SKA3: variants seen among roughly 807,000 people sequenced by gnomAD.
SKA3 encodes spindle and kinetochore associated complex subunit 3.
A neutral mutation model predicts 44.2 loss-of-function variants in SKA3; 39 were observed. That is an observed-to-expected ratio of 0.88 (90% CI 0.68 to 1.15). The LOEUF (loss-of-function observed/expected upper bound fraction) is 1.15. SKA3 is among the 50% of genes most tolerant of loss of function. SKA3 has a pLI of 0.00. For synonymous variants in SKA3, 192 were observed against 172.0 expected (o/e 1.12, Z -0.91); for missense variants, 511 against 485.8 (o/e 1.05, Z -0.49).
rs771304730 is a variant in SKA3 at position 21,176,408 on chromosome 13, G to A, written c.70C>T (p.Arg24Trp). ...LASTLDCETA[R>W]LQRALDGEES... ...TCTCCGTCCAGCGCTCGCTGCAGCCGGGCCGTCTCGCAGTCCAGCGTGCTG... is the reference window on the plus strand; with the variant it reads ...TCTCCGTCCAGCGCTCGCTGCAGCCAGGCCGTCTCGCAGTCCAGCGTGCTG... The change falls in exon 1 of 9, where the codon CGG (arginine) becomes TGG (tryptophan). Residue 24 changes from arginine to tryptophan, a missense_variant. Coordinates refer to ENST00000314759, the MANE Select transcript of SKA3 (RefSeq NM_145061.6). 11 of 1,581,548 alleles carry A rather than the reference G, an allele frequency of 7.0e-6. No homozygotes were observed. Among genetic ancestry groups the A allele is most frequent in the African/African-American group, 1.4e-5 (1 of 72,736 alleles).
In SKA3 at chr13:21,157,956, G is replaced by A. The variant is rs1483311005; in HGVS notation, c.1085C>T (p.Pro362Leu). Residue 362 changes from proline (P) to leucine (L), a missense_variant, in exon 7 of 9, where the codon CCG (proline) becomes CTG (leucine). Pro to Leu is a moderately conservative substitution (Grantham distance 98). Transcript: ENST00000314759. ...ATCTTCTGGAATTTTAGTTACTTCC[G>A]GAGGTGTAGGTGTTCTGAGCAGATT... ...YENLLRTPTP[P>L]EVTKIPEDIL... is the part of the protein sequence containing the mutation. 3 of 1,611,126 alleles carry A rather than the reference G, an allele frequency of 1.9e-6. No homozygotes were observed. Among genetic ancestry groups the A allele is most frequent in the South Asian group, 2.2e-5 (2 of 90,720 alleles).
rs1595299402 is a variant in SKA3 at position 21,162,122 on chromosome 13, C to A, written c.744-247G>T. Among the ~76,000 whole-genome samples, 3 of 152,166 alleles carry A rather than the reference C, an allele frequency of 2.0e-5. No individual in the cohort carries two copies. In the East Asian group the frequency reaches 5.8e-4, roughly 29 times the overall value. On this transcript the variant is annotated intron_variant, in intron 4 of 8. Transcript: ENST00000314759. ...TATGTAACTCCTGGGACTTCAAAATCCTAAAGTGGAATTTTATAACCAGTG... is the reference window on the plus strand; with the variant it reads ...TATGTAACTCCTGGGACTTCAAAATACTAAAGTGGAATTTTATAACCAGTG...
Position 21,158,663 on chromosome 13 carries a change from T to G in SKA3, c.916-538A>C, listed in dbSNP as rs1331492954. On this transcript the variant is annotated intron_variant, in intron 6 of 8. Transcript: ENST00000314759. ...ACAAAAACCAAAAAAACGCTTAATG[T>G]CATAACTATATAGAATGAACCAAAG... 2.0e-5 allele frequency among the ~76,000 whole-genome samples: 3 copies of G among 152,028 alleles called. 1 individual carries two copies. The highest frequency in any genetic ancestry group is 6.6e-5 in the Admixed American group (1 of 15,254).
Position 21,157,997 on chromosome 13 carries a change from C to T in SKA3, c.1044G>A (p.Thr348=), listed in dbSNP as rs201402604. The T allele has an allele frequency of 2.4e-5, 39 of 1,613,108 alleles. No homozygotes were observed. In the East Asian group the frequency reaches 6.7e-4, roughly 28 times the overall value. The stretch of plus-strand genomic sequence containing the variant: ...TGAGCAGATTCTCATAAGAAGAAAT[C>T]GTAGGTGAAGAGGGATCTGTTAAAT... ...FENLTDPSSP[T]ISSYENLLRT... The change falls in exon 7 of 9, where the codon ACG becomes ACA. Residue 348 remains threonine, a synonymous_variant. Transcript: ENST00000314759.
intron 1 of SKA3, among the ~76,000 whole-genome samples, chr13:21,173,504 G>A (rs376156136): frequency 6.6e-6 from 1 of 152,172 alleles, no homozygotes; most frequent in Non-Finnish European, 1.5e-5. Flanking sequence ...TGATCCACCC[G>A]CCTCGGCCTC....
At position 21,154,886 on chromosome 13, in the gene SKA3, G is replaced by C; in HGVS notation, c.*264C>G. ...CTGGTACTACTTAAACCATTCTGTT[G>C]ATTAAGCTGGGTAATTTAGTATCAA... is the stretch of plus-strand genomic sequence containing the variant. On this transcript the variant is annotated 3_prime_UTR_variant, in exon 9 of 9. Coordinates refer to ENST00000314759, the MANE Select transcript of SKA3 (RefSeq NM_145061.6). 1.7e-6 allele frequency: 1 copy of C among 578,000 alleles called. No individual in the cohort carries two copies. The highest frequency in any genetic ancestry group is 2.4e-5 in the South Asian group (1 of 42,310). 35.8% of individuals were successfully genotyped at this position (578,000 alleles called of 1,614,324 possible). A position where few individuals can be genotyped will look rare whatever the true frequency, so the allele number is the denominator to read the frequency against.
At position 21,168,184 on chromosome 13, in the gene SKA3, T is replaced by C. The variant is rs1240813482; in HGVS notation, c.547A>G (p.Lys183Glu). The change falls in exon 4 of 9, where the codon AAG becomes GAG. Residue 183 changes from lysine (K) to glutamate (E), a missense_variant. Physicochemically the swap from Lys to Glu is moderately conservative, Grantham distance 56. Coordinates refer to ENST00000314759, the MANE Select transcript of SKA3 (RefSeq NM_145061.6). ...GGGGTTACAATTACGGGCTCTTCCT[T>C]ATAGTTGTTCACTGCCTGTGGAGGG... Reference protein sequence around the residue: ...PNPPQAVNNYKEEPVIVTPPT... With the variant: ...PNPPQAVNNYEEEPVIVTPPT... 5.6e-6 allele frequency: 9 copies of C among 1,614,028 alleles called. No homozygotes were observed. Among genetic ancestry groups the C allele is most frequent in the African/African-American group, 4.0e-5 (3 of 74,938 alleles).
At chr13:21,161,289 A>G (rs553417955) in intron 5 of SKA3, among the ~76,000 whole-genome samples, 114 of 152,256 alleles carry the variant, frequency 7.5e-4, no homozygotes, top group African/African-American at 2.7e-3. Flanking sequence ...AAAACAAAAA[A>G]ATCATAAAAC....
At chr13:21,171,437 C>T (rs1231120122) in intron 3 of SKA3, among the ~76,000 whole-genome samples, 1 of 151,558 alleles carries the variant, frequency 6.6e-6, no homozygotes, top group Non-Finnish European at 1.5e-5. Flanking sequence ...ATTAGCTGGG[C>T]GTGGTGGCGG....
Position 21,154,705 on chromosome 13 carries a change from C to T in SKA3, c.*445G>A, listed in dbSNP as rs2137351191. 1 of 204,320 alleles carries T rather than the reference C, an allele frequency of 4.9e-6. No individual in the cohort carries two copies. Among genetic ancestry groups the T allele is most frequent in the Admixed American group, 5.7e-5 (1 of 17,670 alleles). 12.7% of individuals were successfully genotyped at this position (204,320 alleles called of 1,614,324 possible). A position where few individuals can be genotyped will look rare whatever the true frequency, so the allele number is the denominator to read the frequency against. On this transcript the variant is annotated 3_prime_UTR_variant, in exon 9 of 9. Transcript: ENST00000314759. ...TGCAAACAGCAACTGCATCTTCAGA[C>T]AGCACTGAGCAAGTAAAAGGTGTGG...
At chr13:21,174,852 T>C (rs1871359139) in intron 1 of SKA3, among the ~76,000 whole-genome samples, 2 of 152,256 alleles carry the variant, frequency 1.3e-5, no homozygotes. Context: ...TCGTTTTAGC[T>C]ATCCTGCTGG....
intron 4 of SKA3, among the ~76,000 whole-genome samples, chr13:21,167,254 A>T (rs1870761486): frequency 6.6e-6 from 1 of 152,198 alleles, no homozygotes; most frequent in South Asian, 2.1e-4. Flanking sequence ...ATCCTAGATC[A>T]TCCCCTTTTC....
intron 5 of SKA3, among the ~76,000 whole-genome samples, chr13:21,160,494 T>C (rs1870379790): frequency 1.3e-5 from 2 of 151,754 alleles, no homozygotes; most frequent in Admixed American, 6.6e-5. Context: ...CATAGTATCA[T>C]CGAGGCAACC....
In SKA3 at chr13:21,155,783, G is replaced by T. The variant is rs769276868; in HGVS notation, c.1148C>A (p.Ala383Asp). Residue 383 changes from alanine (A) to aspartate (D), a missense_variant, in exon 8 of 9, where the codon GCT (alanine) becomes GAT (aspartate). Coordinates refer to ENST00000314759, the MANE Select transcript of SKA3 (RefSeq NM_145061.6). Reference sequence around the variant, plus strand: ...CACTGCTTTAATTGCTATTGGAGTAGCTAGGTTTGAGTTGTATTTTGATAA... The same window carrying T: ...CACTGCTTTAATTGCTATTGGAGTATCTAGGTTTGAGTTGTATTTTGATAA... ...QLLSKYNSNLATPIAIKAVPP... is the reference protein window; with the variant it reads ...QLLSKYNSNLDTPIAIKAVPP... 1.3e-6 allele frequency: 2 copies of T among 1,596,444 alleles called. No individual in the cohort carries two copies. Among genetic ancestry groups the T allele is most frequent in the Admixed American group, 3.4e-5 (2 of 59,212 alleles).
At chr13:21,163,827 G>A (rs189358132) in intron 4 of SKA3, among the ~76,000 whole-genome samples, 10 of 152,210 alleles carry the variant, frequency 6.6e-5, no homozygotes, top group South Asian at 6.2e-4. Flanking sequence ...GCAGTGGCAC[G>A]ATCTCAGCTC....
chr13:21,158,816 T>A (rs769153065), intron 6 of SKA3, among the ~76,000 whole-genome samples: 1 of 152,234 alleles, frequency 6.6e-6, no homozygotes, highest in African/African-American at 2.4e-5. Flanking sequence ...AAGTTTAGTA[T>A]GCAGATTATT....
At chr13:21,159,599 T>C (rs1414650300) in intron 6 of SKA3, among the ~76,000 whole-genome samples, 1 of 152,236 alleles carries the variant, frequency 6.6e-6, no homozygotes, top group East Asian at 1.9e-4. Context: ...TATCATTCGA[T>C]ATTTATACTG....
intron 3 of SKA3, among the ~76,000 whole-genome samples, chr13:21,170,241 G>C (rs922515244): frequency 2.0e-5 from 3 of 149,542 alleles, no homozygotes; most frequent in African/African-American, 7.4e-5. Context: ...GTGTGGTGGT[G>C]CAATCTCAGC....
chr13:21,175,167 G>A (rs914275311), intron 1 of SKA3, among the ~76,000 whole-genome samples: 1 of 151,448 alleles, frequency 6.6e-6, no homozygotes, highest in Non-Finnish European at 1.5e-5. Context: ...TAGTAGAGAC[G>A]AGGTTTCACC....
Sources: allele counts gnomAD v4.1 joint callset (sites outside exome capture counted in the v4.1 genomes callset), GRCh38; gene constraint gnomAD v4.1.1; transcripts MANE v1.5; gene names NCBI Gene and HGNC (gene_info 2026-07-23, HGNC 2026-07-21).